VPS41: variants seen among roughly 807,000 people sequenced by gnomAD.
The protein encoded by VPS41 is vacuolar protein sorting-associated protein 41 homolog.
Under a neutral mutation model 130.9 loss-of-function variants are expected in VPS41, and 85 were observed. The observed-to-expected ratio is 0.65, with a 90% CI of 0.55 to 0.78. The LOEUF (loss-of-function observed/expected upper bound fraction) is 0.78, where lower values mean the gene tolerates loss of function less well. VPS41 is among the 30% of genes least tolerant of loss of function. The pLI is 0.00. For missense variants in VPS41, 874 were observed against 1,018.7 expected (o/e 0.86, Z 1.93); for synonymous variants, 335 against 332.9 (o/e 1.01, Z -0.07).
In VPS41 at chr7:38,773,702, T is replaced by C. The variant is rs1784198537; in HGVS notation, c.1012+413A>G. Among the ~76,000 whole-genome samples, 3 of 152,194 alleles carry C rather than the reference T, an allele frequency of 2.0e-5. No homozygotes were observed. The South Asian group carries it at 6.2e-4, about 31-fold the overall frequency. On this transcript the variant is annotated intron_variant, in intron 12 of 28. Coordinates refer to ENST00000310301, the MANE Select transcript of VPS41 (RefSeq NM_014396.4). The stretch of plus-strand genomic sequence containing the variant: ...AATGTGCCAGAAGTCTTTCAGGCTC[T>C]GAGCACTCAGTTACAAACAAGAAAG...
intron 5 of VPS41, among the ~76,000 whole-genome samples, chr7:38,828,769 T>C (rs1275737685): frequency 6.6e-6 from 1 of 151,970 alleles, no homozygotes; most frequent in South Asian, 2.1e-4. Context: ...TTTACCAAAA[T>C]AGGAAACCAA....
intron 10 of VPS41, among the ~76,000 whole-genome samples, chr7:38,779,144 G>A (rs1784314586): frequency 6.6e-6 from 1 of 152,114 alleles, no homozygotes; most frequent in South Asian, 2.1e-4. Context: ...ACTAAACCTT[G>A]CCAAATTTTG....
intron 7 of VPS41, among the ~76,000 whole-genome samples, chr7:38,815,686 C>A (rs1278275614): frequency 6.6e-6 from 1 of 152,120 alleles, no homozygotes. Context: ...ATCTAATCAG[C>A]TAATCTGGCC....
chr7:38,865,630 A>T (rs1386172637), intron 3 of VPS41, among the ~76,000 whole-genome samples: 1 of 152,268 alleles, frequency 6.6e-6, no homozygotes, highest in African/African-American at 2.4e-5. Flanking sequence ...AAAAGAAATT[A>T]GAAAATAGAC....
chr7:38,849,627 G>A (rs375773766), intron 4 of VPS41, among the ~76,000 whole-genome samples: 9 of 152,240 alleles, frequency 5.9e-5, no homozygotes, highest in East Asian at 5.8e-4. Context: ...GGTGTCTGCC[G>A]GTGCCTGCTG....
chr7:38,869,229 T>G lies in VPS41; in HGVS notation c.85A>C (p.Lys29Gln), dbSNP rs754063575. Residue 29 changes from lysine (K) to glutamine (Q), a missense_variant, in exon 3 of 29, where the codon AAG (lysine) becomes CAG (glutamine). Physicochemically the swap from Lys to Gln is moderately conservative, Grantham distance 53. Transcript: ENST00000310301. The part of the protein sequence containing the change: ...SEEEESEEEP[K>Q]LKYERLSNGV... The stretch of plus-strand genomic sequence containing the variant: ...TTGGAAAGCCTTTCATACTTCAGCT[T>G]GGGTTCCTCTTCGCTCTCTTCTTCC... 1 of 1,612,426 alleles carries G rather than the reference T, an allele frequency of 6.2e-7. No homozygotes were observed. The highest frequency in any genetic ancestry group is 1.1e-5 in the South Asian group (1 of 90,888).
At position 38,765,816 on chromosome 7, in the gene VPS41, A is replaced by T. The variant is rs1784032729; in HGVS notation, c.1248-155T>A. The T allele has an allele frequency of 2.2e-5, 12 of 544,464 alleles. No individual in the cohort carries two copies. The South Asian group carries it at 3.3e-4, about 15-fold the overall frequency. The allele number at this position is 544,464 out of a possible 1,614,324, so 33.7% of individuals were successfully genotyped here. On this transcript the variant is annotated intron_variant, in intron 15 of 28. Transcript: ENST00000310301. ...TTCTATCTCAAGTACCAACGAACAT[A>T]AAGATATTACTGTTACTCATTTGGT... is the stretch of plus-strand genomic sequence containing the variant.
At chr7:38,754,323 TA>T (rs1439693221) in intron 21 of VPS41, among the ~76,000 whole-genome samples, 1 of 152,224 alleles carries the variant, frequency 6.6e-6, no homozygotes, top group East Asian at 1.9e-4. Flanking sequence ...GCCATGGTTA[TA>T]TTTAATGGCA....
At chr7:38,817,635 A>G (rs1785079668) in intron 7 of VPS41, among the ~76,000 whole-genome samples, 182 bp downstream of exon 7, 1 of 152,220 alleles carries the variant, frequency 6.6e-6, no homozygotes, top group Non-Finnish European at 1.5e-5. Flanking sequence ...AAAGCAATGT[A>G]GTGAGAAACA....
intron 2 of VPS41, among the ~76,000 whole-genome samples, chr7:38,877,345 G>A (rs901095215): frequency 5.3e-5 from 8 of 152,072 alleles, no homozygotes; most frequent in African/African-American, 1.9e-4. Context: ...GGGGTAAAAG[G>A]GGGAGCAGGG....
chr7:38,904,911 T>G (rs761762950), intron 1 of VPS41, among the ~76,000 whole-genome samples: 9 of 152,112 alleles, frequency 5.9e-5, no homozygotes, highest in African/African-American at 1.4e-4. Flanking sequence ...AGGGTCCAGG[T>G]TGGTTGATTA....
intron 25 of VPS41, among the ~76,000 whole-genome samples, chr7:38,736,703 A>T (rs1478760326): frequency 6.6e-6 from 1 of 152,258 alleles, no homozygotes; most frequent in Non-Finnish European, 1.5e-5. Context: ...CAGAGATAAC[A>T]TAAATGAAGT....
At chr7:38,852,356 C>T (rs1357643868) in intron 4 of VPS41, among the ~76,000 whole-genome samples, 1 of 152,180 alleles carries the variant, frequency 6.6e-6, no homozygotes, top group Non-Finnish European at 1.5e-5. Context: ...CAGTCCCCAG[C>T]TCCGGGAGAC....
chr7:38,877,768 C>G (rs1345106455), intron 2 of VPS41, among the ~76,000 whole-genome samples: 1 of 152,150 alleles, frequency 6.6e-6, no homozygotes, highest in African/African-American at 2.4e-5. Flanking sequence ...CAAGGAGAAA[C>G]TGACACATTT....
At chr7:38,742,555 G>A (rs1188390195) in intron 24 of VPS41, among the ~76,000 whole-genome samples, 1 of 152,004 alleles carries the variant, frequency 6.6e-6, no homozygotes, top group South Asian at 2.1e-4. Flanking sequence ...AGGGTCACAC[G>A]GCTAATAAGT....
intron 1 of VPS41, among the ~76,000 whole-genome samples, chr7:38,907,678 C>T (rs1787297912): frequency 6.6e-6 from 1 of 151,988 alleles, no homozygotes; most frequent in South Asian, 2.1e-4. Context: ...TTCTTCTGCA[C>T]TAAACAGTGG....
At chr7:38,849,241 G>A (rs757051608) in intron 4 of VPS41, among the ~76,000 whole-genome samples, 6 of 152,070 alleles carry the variant, frequency 3.9e-5, no homozygotes, top group Non-Finnish European at 8.8e-5. Context: ...GGTGGGCTGT[G>A]GTGCTCCTGA....
At chr7:38,898,524 A>G (rs1186337243) in intron 1 of VPS41, among the ~76,000 whole-genome samples, 1 of 152,250 alleles carries the variant, frequency 6.6e-6, no homozygotes, top group African/African-American at 2.4e-5. Flanking sequence ...TTCTTGTGCT[A>G]TTAATTATCA....
chr7:38,746,738 C>T (rs1795992339), intron 22 of VPS41, among the ~76,000 whole-genome samples: 1 of 152,186 alleles, frequency 6.6e-6, no homozygotes, highest in African/African-American at 2.4e-5. Context: ...AGCTGAGAAT[C>T]TCTACCACGA....
Sources: allele counts gnomAD v4.1 joint callset (sites outside exome capture counted in the v4.1 genomes callset), GRCh38; gene constraint gnomAD v4.1.1; transcripts MANE v1.5; gene names NCBI Gene and HGNC (gene_info 2026-07-23, HGNC 2026-07-21).